The following IGSF5 variants were observed in gnomAD, a reference collection of about 807,000 sequenced individuals.
IGSF5 encodes immunoglobulin superfamily member 5.
IGSF5 carries 41 observed loss-of-function variants against 39.4 expected under a neutral mutation model. The ratio of observed to expected loss-of-function variants is 1.04; its 90% CI spans 0.81 to 1.35. The LOEUF (loss-of-function observed/expected upper bound fraction) is 1.35. Among genes scored for constraint, IGSF5 ranks in the 40% most tolerant of loss-of-function variants. IGSF5 has a pLI of 0.00. For missense variants in IGSF5, 487 were observed against 494.6 expected, an observed-to-expected ratio of 0.98 and a Z score of 0.15; for synonymous variants, 183 against 175.3, an observed-to-expected ratio of 1.04 and a Z score of -0.34.
rs1601143191 is a variant in IGSF5 at position 39,793,545 on chromosome 21, C to T, written c.1060C>T (p.Leu354Phe). 2 of 1,613,948 alleles carry T rather than the reference C, an allele frequency of 1.2e-6. No homozygotes were observed. Among genetic ancestry groups the T allele is most frequent in the East Asian group, 2.2e-5 (1 of 44,886 alleles). ...DEQKTTDTAS[L>F]PPKSCESSDP... is the part of the protein sequence containing the mutation. ...TTCTTCTGTTGCAGACACCGCTTCT[C>T]TCCCTCCCAAATCCTGTGAATCCAG... The change falls in exon 8 of 9, where the codon CTC becomes TTC. Residue 354 changes from leucine (L) to phenylalanine (F), a missense_variant. Leu to Phe is a conservative substitution (Grantham distance 22). Coordinates refer to ENST00000380588, the MANE Select transcript of IGSF5 (RefSeq NM_001080444.2).
intron 5 of IGSF5, 61 bp from the exon 6 acceptor site, chr21:39,788,106 A>G: frequency 1.5e-6 from 2 of 1,321,738 alleles, no homozygotes; most frequent in Non-Finnish European, 2.1e-6. Context: ...AAAATTAATG[A>G]GACTCGATTT....
rs2086967559 is a variant in IGSF5, at chr21:39,791,899, G to A, written c.957-109G>A. ...TTCCTGTGTTAAGTTCAATGTGTAAGCATACTCTTGAGAGTAACCACGTGA... is the reference window on the plus strand; with the variant it reads ...TTCCTGTGTTAAGTTCAATGTGTAAACATACTCTTGAGAGTAACCACGTGA... On this transcript the variant is annotated intron_variant, in intron 6 of 8. Transcript: ENST00000380588. 1.4e-5 allele frequency: 10 copies of A among 711,804 alleles called. 2 individuals carry two copies. Among genetic ancestry groups the A allele is most frequent in the South Asian group, 1.1e-4 (6 of 55,500 alleles). The allele number at this position is 711,804 out of a possible 1,614,324, so 44.1% of individuals were successfully genotyped here.
At chr21:39,790,071 C>A (rs1263148005) in intron 6 of IGSF5, among the ~76,000 whole-genome samples, 1 of 152,150 alleles carries the variant, frequency 6.6e-6, no homozygotes, top group Admixed American at 6.5e-5. Flanking sequence ...ATCCCCAAAG[C>A]CCCCTAGACC....
chr21:39,750,511 A>AG (rs2080000037), intron 2 of IGSF5, among the ~76,000 whole-genome samples: 2 of 145,050 alleles, frequency 1.4e-5, no homozygotes, highest in Admixed American at 6.8e-5. Context: ...CTGTCTCCAG[A>AG]AAAAAAAAAA....
the IGSF5 span, among the ~76,000 whole-genome samples, chr21:39,735,360 C>T: frequency 6.6e-5 from 10 of 152,008 alleles, no homozygotes; most frequent in Non-Finnish European, 1.3e-4. Context: ...AAATTCATAA[C>T]GCTTAACTAT....
upstream of IGSF5, among the ~76,000 whole-genome samples, chr21:39,745,156 CA>C (rs1269471646): frequency 1.5e-5 from 2 of 130,710 alleles, no homozygotes; most frequent in Non-Finnish European, 3.4e-5. Context: ...TCTCTCTCTT[CA>C]TCTCTCTCTC....
the IGSF5 span, among the ~76,000 whole-genome samples, chr21:39,735,214 G>T: frequency 6.6e-6 from 1 of 152,316 alleles, no homozygotes; most frequent in African/African-American, 2.4e-5. Context: ...GCTGGTAACA[G>T]TGCTTGTGTC....
At chr21:39,771,426 C>T (rs1005393807) in intron 4 of IGSF5, among the ~76,000 whole-genome samples, 1 of 152,072 alleles carries the variant, frequency 6.6e-6, no homozygotes, top group Non-Finnish European at 1.5e-5. Context: ...TTTTTTTCTC[C>T]TATTACATTT....
chr21:39,724,292 G>T, the IGSF5 span, among the ~76,000 whole-genome samples: 3 of 152,088 alleles, frequency 2.0e-5, no homozygotes, highest in African/African-American at 7.2e-5. Flanking sequence ...TCCTTTGCAG[G>T]AGGTGTAGAC....
intron 2 of IGSF5, 114 bp downstream of exon 2, chr21:39,746,412 C>T: frequency 5.1e-6 from 3 of 591,902 alleles, no homozygotes; most frequent in Non-Finnish European, 9.1e-6. Flanking sequence ...GGGAGGGGTC[C>T]CAAAGGGGGT....
At chr21:39,725,204 C>T in the IGSF5 span, among the ~76,000 whole-genome samples, 2 of 152,232 alleles carry the variant, frequency 1.3e-5, no homozygotes, top group Admixed American at 6.5e-5. Flanking sequence ...CATGTAAAAC[C>T]CTGAAATGTA....
the IGSF5 span, among the ~76,000 whole-genome samples, chr21:39,721,495 G>A: frequency 6.6e-6 from 1 of 152,188 alleles, no homozygotes; most frequent in African/African-American, 2.4e-5. Context: ...TGCTCTTAAA[G>A]CTGTTCAACT....
chr21:39,775,522 T>G (rs1171606248), intron 4 of IGSF5, among the ~76,000 whole-genome samples: 1 of 152,222 alleles, frequency 6.6e-6, no homozygotes, highest in Non-Finnish European at 1.5e-5. Context: ...TTTTTAAAAC[T>G]CTATGCATTC....
the IGSF5 span, chr21:39,728,013 C>T: frequency 6.6e-6 from 1 of 152,138 alleles, no homozygotes; most frequent in Non-Finnish European, 1.5e-5. Flanking sequence ...GCTCATACCT[C>T]CTGTTTTTCT....
the IGSF5 span, among the ~76,000 whole-genome samples, chr21:39,735,369 A>G: frequency 6.6e-6 from 1 of 152,188 alleles, no homozygotes; most frequent in Non-Finnish European, 1.5e-5. Context: ...ACGCTTAACT[A>G]TGGGTGCTAC....
intron 4 of IGSF5, 44 bp downstream of exon 4, chr21:39,771,259 CA>C (rs1828342057): frequency 6.8e-7 from 1 of 1,470,146 alleles, no homozygotes; most frequent in Non-Finnish European, 9.1e-7. Context: ...ATGATTATTT[CA>C]TGCTTCAATA....
chr21:39,728,180 A>G, the IGSF5 span, among the ~76,000 whole-genome samples: 1 of 152,126 alleles, frequency 6.6e-6, no homozygotes, highest in Non-Finnish European at 1.5e-5. Flanking sequence ...AGATATGTTC[A>G]CGTCCCAACC....
chr21:39,730,994 G>GT, the IGSF5 span, among the ~76,000 whole-genome samples: 1 of 152,180 alleles, frequency 6.6e-6, no homozygotes, highest in African/African-American at 2.4e-5. Flanking sequence ...AAGCACCACT[G>GT]TTTCTCCATG....
Position 39,753,617 on chromosome 21 carries a change from T to A in IGSF5, c.100+7319T>A, listed in dbSNP as rs192399911. ...TATTGTGTTGCTGTCTGTCTAATAT[T>A]GTAGGTCTAGTAGTAATTGTTTTTA... On this transcript the variant is annotated intron_variant, in intron 2 of 8. Coordinates refer to ENST00000380588, the MANE Select transcript of IGSF5 (RefSeq NM_001080444.2). Among the ~76,000 whole-genome samples the A allele has an allele frequency of 3.3e-3, 504 of 152,316 alleles. 3 individuals are homozygous for A. Among genetic ancestry groups the A allele is most frequent in the Admixed American group, 8.0e-3 (122 of 15,308 alleles).
Sources: allele counts gnomAD v4.1 joint callset (sites outside exome capture counted in the v4.1 genomes callset), GRCh38; gene constraint gnomAD v4.1.1; transcripts MANE v1.5; gene names NCBI Gene and HGNC (gene_info 2026-07-23, HGNC 2026-07-21).